The following UNC5B variants were observed in gnomAD, a reference collection of about 807,000 sequenced individuals.
UNC5B encodes the protein unc-5 netrin receptor B.
In UNC5B, 56 loss-of-function variants were observed where a neutral mutation model predicts 103.7. That is an observed-to-expected ratio of 0.54 (90% CI 0.44 to 0.67). The LOEUF (loss-of-function observed/expected upper bound fraction) is 0.67. Ranked by LOEUF, UNC5B falls within the 30% of genes least tolerant of loss-of-function variation. UNC5B has a pLI of 0.00. For missense variants in UNC5B, 1,194 were observed against 1,284.5 expected (o/e 0.93, Z 1.08); for synonymous variants, 577 against 542.0 (o/e 1.06, Z -0.90).
In UNC5B at chr10:71,295,922, C is replaced by A. The variant is rs149358428; in HGVS notation, c.2287C>A (p.His763Asn). The A allele has an allele frequency of 1.5e-5, 25 of 1,613,172 alleles. No individual in the cohort carries two copies. Among genetic ancestry groups the A allele is most frequent in the Admixed American group, 3.3e-5 (2 of 60,008 alleles). The stretch of plus-strand genomic sequence containing the variant: ...GCGCCTCTCCCTCCATGACCTCCCC[C>A]ATGCCCATTGGAGGAGCAAGCTGCT... ...NLRLSLHDLP[H>N]AHWRSKLLAK... Residue 763 changes from histidine (H) to asparagine (N), a missense_variant, in exon 14 of 17, where the codon CAT (histidine) becomes AAT (asparagine). His to Asn is a moderately conservative substitution (Grantham distance 68). Transcript: ENST00000335350.
intron 7 of UNC5B, 50 bp from the exon 8 acceptor site, chr10:71,288,908 C>T (rs377574400): frequency 1.2e-6 from 2 of 1,604,056 alleles, no homozygotes; most frequent in Non-Finnish European, 1.7e-6. Context: ...TCTCTGCCAC[C>T]CTTTCCCTGT....
At position 71,299,301 on chromosome 10, in the gene UNC5B, A is replaced by T. The variant is rs763882515; in HGVS notation, c.*24A>T. 1.9e-6 allele frequency: 3 copies of T among 1,611,964 alleles called. No individual in the cohort carries two copies. The highest frequency in any genetic ancestry group is 8.5e-7 in the Non-Finnish European group (1 of 1,179,306). On this transcript the variant is annotated 3_prime_UTR_variant, in exon 17 of 17. Coordinates refer to ENST00000335350, the MANE Select transcript of UNC5B (RefSeq NM_170744.5). The stretch of plus-strand genomic sequence containing the variant: ...GAGCCTCCTGGGACAGCGGGCTGGC[A>T]GGGACTGGCAGGAGGCAGGTGCAGG...
chr10:71,238,903 C>G (rs535181851), intron 1 of UNC5B, among the ~76,000 whole-genome samples: 17 of 152,330 alleles, frequency 1.1e-4, no homozygotes, highest in African/African-American at 4.1e-4. Flanking sequence ...CCCAGCCTCC[C>G]TAGTAGCTAG....
At chr10:71,224,435 G>T (rs893792232) in intron 1 of UNC5B, among the ~76,000 whole-genome samples, 3 of 147,794 alleles carry the variant, frequency 2.0e-5, no homozygotes, top group Admixed American at 6.7e-5. Context: ...AGCAGAAAAA[G>T]CCCCAAGTTG....
chr10:71,284,643 T>G, intron 2 of UNC5B, 77 bp from the exon 3 acceptor site: 1 of 1,593,658 alleles, frequency 6.3e-7, no homozygotes, highest in South Asian at 1.1e-5. Context: ...GGATCCGAGG[T>G]GGAAGGCCGG....
intron 1 of UNC5B, among the ~76,000 whole-genome samples, chr10:71,239,711 C>T (rs1843853864): frequency 6.6e-6 from 1 of 151,966 alleles, no homozygotes; most frequent in South Asian, 2.1e-4. Flanking sequence ...GGCACACACC[C>T]CTGCTGGATG....
chr10:71,268,693 G>GA (rs1428432202), intron 1 of UNC5B, among the ~76,000 whole-genome samples: 1 of 152,224 alleles, frequency 6.6e-6, no homozygotes, highest in Non-Finnish European at 1.5e-5. Context: ...GGAGACGGGG[G>GA]AAATTTGTGT....
chr10:71,214,872 C>T (rs1843299972), intron 1 of UNC5B, among the ~76,000 whole-genome samples: 2 of 152,282 alleles, frequency 1.3e-5, no homozygotes, highest in Admixed American at 6.5e-5. Context: ...GATTTGGGCA[C>T]GAATGGTGCC....
chr10:71,301,306 A>T lies in UNC5B; in HGVS notation c.*2029A>T, dbSNP rs192203451. The T allele has an allele frequency of 1.3e-5, 2 of 152,162 alleles. No individual in the cohort carries two copies. The highest frequency in any genetic ancestry group is 3.9e-4 in the East Asian group (2 of 5,138). The allele number at this position is 152,162 out of a possible 1,614,324, so 9.4% of individuals were successfully genotyped here. On this transcript the variant is annotated 3_prime_UTR_variant, in exon 17 of 17. Transcript: ENST00000335350. ...TAGCTCGTGGGGCTTCTTACCACCC[A>T]CCAGCCCCGCTGGGGTGCGGCCTGG...
At chr10:71,271,847 A>G (rs1319777871) in intron 1 of UNC5B, among the ~76,000 whole-genome samples, 1 of 152,174 alleles carries the variant, frequency 6.6e-6, no homozygotes, top group Non-Finnish European at 1.5e-5. Context: ...ATGTCAGGGC[A>G]CAGATGGGTG....
At chr10:71,272,255 C>T (rs562399484) in intron 1 of UNC5B, among the ~76,000 whole-genome samples, 5 of 152,134 alleles carry the variant, frequency 3.3e-5, no homozygotes, top group Non-Finnish European at 7.4e-5. Flanking sequence ...ATGTGCCCAG[C>T]GTGGGGCGTT....
intron 1 of UNC5B, among the ~76,000 whole-genome samples, chr10:71,279,125 G>T (rs1167224296): frequency 1.3e-5 from 2 of 152,222 alleles, no homozygotes; most frequent in African/African-American, 4.8e-5. Context: ...GCTGGATCTG[G>T]CTGGGGTGGG....
Position 71,286,844 on chromosome 10 carries a change from C to A in UNC5B, c.708C>A (p.Ser236Arg). The change falls in exon 5 of 17, where the codon AGC (serine) becomes AGA (arginine). Residue 236 changes from serine (S) to arginine (R), a missense_variant. Transcript: ENST00000335350. Reference protein sequence around the residue: ...VAKNIVAKRRSTTATVIVYVN... With the variant: ...VAKNIVAKRRRTTATVIVYVN... ...AGAACATCGTGGCCAAACGCCGGAG[C>A]ACCACTGCCACCGTCATCGTCTACG... 1 of 1,614,134 alleles carries A rather than the reference C, an allele frequency of 6.2e-7. No homozygotes were observed.
At chr10:71,289,156 C>T (rs370959185) in intron 8 of UNC5B, among the ~76,000 whole-genome samples, 166 bp downstream of exon 8, 27 of 152,152 alleles carry the variant, frequency 1.8e-4, no homozygotes, top group East Asian at 5.8e-4. Flanking sequence ...TCTCCATCAC[C>T]GGCAGACAGG....
At chr10:71,292,859 G>A (rs915946479) in intron 11 of UNC5B, among the ~76,000 whole-genome samples, 3 of 152,200 alleles carry the variant, frequency 2.0e-5, no homozygotes, top group African/African-American at 7.2e-5. Flanking sequence ...ATATGAACAC[G>A]TGATTCACAC....
At chr10:71,222,570 G>A (rs910861923) in intron 1 of UNC5B, among the ~76,000 whole-genome samples, 4 of 152,184 alleles carry the variant, frequency 2.6e-5, no homozygotes, top group African/African-American at 9.7e-5. Context: ...GCTGGGCCTG[G>A]GCCCTGATTC....
intron 8 of UNC5B, among the ~76,000 whole-genome samples, chr10:71,290,277 T>G (rs1160089683): frequency 2.0e-5 from 3 of 152,106 alleles, no homozygotes; most frequent in Admixed American, 2.0e-4. Flanking sequence ...ACCTTGAGGC[T>G]TCCCGCCTGG....
At position 71,290,927 on chromosome 10, in the gene UNC5B, CAG is replaced by C; in HGVS notation, c.1113_1114del (p.Asp373CysfsTer32). ...CCTGTCCCCGCAGTGCTGGAGGCCT[CAG>C]GGGATGCGGCGCTGTATGCGGGGCT... On this transcript the variant is annotated frameshift_variant, in exon 9 of 17. Coordinates refer to ENST00000335350, the MANE Select transcript of UNC5B (RefSeq NM_170744.5). LOFTEE classifies it high-confidence loss of function. 1.2e-6 allele frequency: 2 copies of C among 1,612,722 alleles called. No homozygotes were observed. The highest frequency in any genetic ancestry group is 1.7e-6 in the Non-Finnish European group (2 of 1,179,800).
rs1362058125 is a variant in UNC5B at position 71,251,654 on chromosome 10, G to A, written c.80-28167G>A. On this transcript the variant is annotated intron_variant, in intron 1 of 16. Transcript: ENST00000335350. ...CATGCCTGCAGACAAAGTGATTAAA[G>A]TTGCAGAGTATACATGGTTCCTGCA... Among the ~76,000 whole-genome samples the A allele has an allele frequency of 5.3e-5, 8 of 152,186 alleles. No homozygotes were observed. The East Asian group carries it at 1.5e-3, about 29-fold the overall frequency.
Sources: allele counts gnomAD v4.1 joint callset (sites outside exome capture counted in the v4.1 genomes callset), GRCh38; gene constraint gnomAD v4.1.1; transcripts MANE v1.5; gene names NCBI Gene and HGNC (gene_info 2026-07-23, HGNC 2026-07-21).